Variants in VIPAS39 observed in about 807,000 individuals in gnomAD.
The protein encoded by VIPAS39 is spermatogenesis-defective protein 39 homolog.
A neutral mutation model predicts 84.7 loss-of-function variants in VIPAS39; 63 were observed. The observed-to-expected ratio is 0.74, with a 90% confidence interval of 0.61 to 0.92. The LOEUF is 0.92. VIPAS39 is among the 40% of genes least tolerant of loss of function. VIPAS39 has a pLI of 0.00. For synonymous variants in VIPAS39, 192 were observed against 216.5 expected, an observed-to-expected ratio of 0.89 and a Z score of 0.99; for missense variants, 499 against 604.5, an observed-to-expected ratio of 0.83 and a Z score of 1.83.
chr14:77,435,468 A>C, intron 13 of VIPAS39, 75 bp from the exon 14 acceptor site: 5 of 1,583,130 alleles, frequency 3.2e-6, no homozygotes, highest in Non-Finnish European at 4.3e-6. Flanking sequence ...AAATCTTTTA[A>C]TACTACAGCA....
At chr14:77,435,234 G>A (rs1257090550) in intron 14 of VIPAS39, 25 bp downstream of exon 14, 2 of 1,613,912 alleles carry the variant, frequency 1.2e-6, no homozygotes, top group Non-Finnish European at 1.7e-6. Flanking sequence ...GAGAGTTTGT[G>A]GAATCTTCCA....
chr14:77,438,866 CAAAAATGTAAATGTATAT>C (rs1407976432), intron 11 of VIPAS39, among the ~76,000 whole-genome samples: 1 of 151,812 alleles, frequency 6.6e-6, no homozygotes, highest in Non-Finnish European at 1.5e-5. Flanking sequence ...CAGATGTATA[CAAAAATGTAAATGTATAT>C]AAAAATGTAA....
At chr14:77,447,951 C>G (rs2078820376) in intron 7 of VIPAS39, among the ~76,000 whole-genome samples, 1 of 150,850 alleles carries the variant, frequency 6.6e-6, no homozygotes, top group South Asian at 2.1e-4. Flanking sequence ...CGTGAGCCAC[C>G]ATGCCCGGCT....
intron 4 of VIPAS39, 55 bp downstream of exon 4, chr14:77,451,132 G>T: frequency 3.1e-6 from 5 of 1,612,358 alleles, no homozygotes; most frequent in African/African-American, 1.3e-5. Flanking sequence ...TATGGCCTAA[G>T]ATTTTTCTGG....
In VIPAS39 at chr14:77,433,780, T is replaced by G. The variant is rs944573317; in HGVS notation, c.1179+62A>C. ...AAAATGTAAACCGGTAACTAGAACT[T>G]ATAACATGATAGAACCCTTCTGTCT... On this transcript the variant is annotated intron_variant, in intron 16 of 19. Coordinates refer to ENST00000557658, the MANE Select transcript of VIPAS39 (RefSeq NM_001193315.2). 8.2e-5 allele frequency: 127 copies of G among 1,545,216 alleles called. 1 individual carries two copies. The African/African-American group carries it at 1.4e-3, about 18-fold the overall frequency.
At chr14:77,443,175 CTG>C (rs2078729295) in intron 8 of VIPAS39, 23 bp from the exon 9 acceptor site, 7 of 1,614,022 alleles carry the variant, frequency 4.3e-6, no homozygotes, top group Admixed American at 1.7e-5. Context: ...AGAACAAAGA[CTG>C]TGCAAACTTT....
In VIPAS39 at chr14:77,444,297, T is replaced by G. The variant is rs1245548665; in HGVS notation, c.549A>C (p.Gln183His). The change falls in exon 8 of 20, where the codon CAA becomes CAC. Residue 183 changes from glutamine (Q) to histidine (H), a missense_variant. By Grantham distance (24) the Gln-to-His change is conservative. Transcript: ENST00000557658. Reference sequence around the variant, plus strand: ...GCATGCTTACTGCCTCTTCTAGGAGTTGTAGTTTGTCCTGTAAGGAGCGGA... The same window carrying G: ...GCATGCTTACTGCCTCTTCTAGGAGGTGTAGTTTGTCCTGTAAGGAGCGGA... ...ERFRSLQDKL[Q>H]LLEEAVSMHD... 6.2e-6 allele frequency: 10 copies of G among 1,613,762 alleles called. No homozygotes were observed. Among genetic ancestry groups the G allele is most frequent in the Non-Finnish European group, 8.5e-6 (10 of 1,179,788 alleles).
chr14:77,435,050 C>T (rs2078585380), intron 14 of VIPAS39: 1 of 651,852 alleles, frequency 1.5e-6, no homozygotes, highest in South Asian at 1.9e-5. Flanking sequence ...AGCATGCCAG[C>T]TCACTTGAAG....
Position 77,428,348 on chromosome 14 carries a change from G to A in VIPAS39, c.1461+22C>T, listed in dbSNP as rs750980625. On this transcript the variant is annotated intron_variant, in intron 19 of 19. Transcript: ENST00000557658. ...CTGTCTGTCTCCTGAGCCTGCTGGA[G>A]GGGTGAACTGTAGCTGCTCACCGAG... The A allele has an allele frequency of 8.8e-6, 14 of 1,595,790 alleles. No homozygotes were observed. The Admixed American group carries it at 2.3e-4, about 27-fold the overall frequency.
chr14:77,457,437 A>C (rs755735741), intron 1 of VIPAS39, 58 bp downstream of exon 1: 47 of 1,526,512 alleles, frequency 3.1e-5, no homozygotes, highest in Non-Finnish European at 4.0e-5. Context: ...AAAGATCAAG[A>C]TGCGGAGAGG....
intron 3 of VIPAS39, 143 bp downstream of exon 3, chr14:77,453,156 T>G: frequency 1.1e-6 from 1 of 898,964 alleles, no homozygotes; most frequent in Non-Finnish European, 1.8e-6. Flanking sequence ...CTCCTGGAGT[T>G]AAGTTTCCAG....
chr14:77,440,400 A>G (rs2078683243), intron 11 of VIPAS39: 1 of 153,026 alleles, frequency 6.5e-6, no homozygotes, highest in Non-Finnish European at 1.5e-5. Context: ...AACTTGACCT[A>G]TCTTCCTTCT....
Position 77,448,496 on chromosome 14 carries a change from T to C in VIPAS39, c.502A>G (p.Lys168Glu). The C allele has an allele frequency of 1.2e-6, 2 of 1,614,170 alleles. No individual in the cohort carries two copies. The highest frequency in any genetic ancestry group is 1.7e-6 in the Non-Finnish European group (2 of 1,180,006). Residue 168 changes from lysine to glutamate, a missense_variant and splice_region_variant, in exon 7 of 20, where the codon AAG (lysine) becomes GAG (glutamate). Physicochemically the swap from Lys to Glu is moderately conservative, Grantham distance 56. Coordinates refer to ENST00000557658, the MANE Select transcript of VIPAS39 (RefSeq NM_001193315.2). Reference protein sequence around the residue: ...SDTVRRLRKGKVCSLERFRSL... With the variant: ...SDTVRRLRKGEVCSLERFRSL... ...TCACAAAAATTCTCTGTCCTTACCT[T>C]GCCCTTCCGGAGACGTCGCACTGTA...
At chr14:77,457,409 G>A (rs1200837547) in intron 1 of VIPAS39, 86 bp downstream of exon 1, 16 of 1,535,018 alleles carry the variant, frequency 1.0e-5, no homozygotes. Flanking sequence ...GTGTAGGGAT[G>A]CCTCCTAGAA....
At chr14:77,436,168 A>G (rs2078608456) in intron 12 of VIPAS39, among the ~76,000 whole-genome samples, 1 of 152,228 alleles carries the variant, frequency 6.6e-6, no homozygotes, top group African/African-American at 2.4e-5. Context: ...AATTTTGCTG[A>G]TAAATGAATT....
chr14:77,454,439 C>T (rs2139903010), intron 1 of VIPAS39, among the ~76,000 whole-genome samples: 1 of 152,256 alleles, frequency 6.6e-6, no homozygotes, highest in South Asian at 2.1e-4. Context: ...CTTTGGGAGG[C>T]CGAGGCAGGC....
chr14:77,438,510 T>C (rs1035354074), intron 11 of VIPAS39, among the ~76,000 whole-genome samples: 1 of 152,248 alleles, frequency 6.6e-6, no homozygotes, highest in Non-Finnish European at 1.5e-5. Flanking sequence ...ATTACAGGCG[T>C]GAGCCACCAC....
intron 2 of VIPAS39, 46 bp downstream of exon 2, chr14:77,453,964 A>T (rs761967026): frequency 4.1e-5 from 65 of 1,587,588 alleles, no homozygotes; most frequent in Middle Eastern, 1.7e-4. Context: ...AAGGAATTTT[A>T]TAGTGGCACT....
chr14:77,443,978 C>T (rs1472934456), intron 8 of VIPAS39, among the ~76,000 whole-genome samples: 1 of 150,094 alleles, frequency 6.7e-6, no homozygotes, highest in Non-Finnish European at 1.5e-5. Flanking sequence ...GAGGTCGAGG[C>T]TACAGCGAGC....
Sources: gnomAD v4.1 joint callset for allele counts (sites outside exome capture counted in the v4.1 genomes callset) on GRCh38, gnomAD v4.1.1 for gene constraint, MANE v1.5 for transcripts, NCBI Gene and HGNC (gene_info 2026-07-23, HGNC 2026-07-21) for gene names.